Variants in HTR2C observed in about 807,000 individuals in gnomAD.
HTR2C encodes 5-hydroxytryptamine receptor 2C.
Under a neutral mutation model 21.0 loss-of-function variants are expected in HTR2C, and 5 were observed. The observed-to-expected ratio is 0.24, with a 90% CI of 0.12 to 0.50. The LOEUF (loss-of-function observed/expected upper bound fraction) is 0.50. Ranked by LOEUF, HTR2C falls within the 20% of genes least tolerant of loss-of-function variation. HTR2C has a pLI of 0.98. For synonymous variants in HTR2C, 150 were observed against 145.3 expected (o/e 1.03, Z -0.23); for missense variants, 271 against 371.2 (o/e 0.73, Z 2.22).
intron 4 of HTR2C, among the ~76,000 whole-genome samples, chrX:114,835,645 G>T (rs1200628924): frequency 9.0e-6 from 1 of 111,127 alleles, no homozygotes; most frequent in Non-Finnish European, 1.9e-5. Flanking sequence ...TTTGCCTTTG[G>T]TCTGAATGTC....
At chrX:114,686,681 A>G (rs1187140237) in intron 2 of HTR2C, among the ~76,000 whole-genome samples, 1 of 110,474 alleles carries the variant, frequency 9.1e-6, no homozygotes, top group Non-Finnish European at 1.9e-5. Flanking sequence ...ATATTTATAT[A>G]TTTTATTTAA....
intron 2 of HTR2C, chrX:114,717,762 C>T (rs1344931153): frequency 4.5e-5 from 5 of 111,501 alleles, no homozygotes; most frequent in Non-Finnish European, 9.4e-5. Flanking sequence ...TCTATCCTCT[C>T]CAAGCACAAT....
intron 4 of HTR2C, among the ~76,000 whole-genome samples, chrX:114,820,429 C>T (rs1397209694): frequency 9.2e-6 from 1 of 109,245 alleles, no homozygotes; most frequent in Non-Finnish European, 1.9e-5. Flanking sequence ...TAAAAAATGG[C>T]AATAATTTAA....
At chrX:114,692,417 A>G in intron 2 of HTR2C, among the ~76,000 whole-genome samples, 1 of 111,847 alleles carries the variant, frequency 8.9e-6, no homozygotes, top group Non-Finnish European at 1.9e-5. Context: ...TTTAAAAAAT[A>G]AATAGCTTTA....
intron 5 of HTR2C, among the ~76,000 whole-genome samples, chrX:114,905,930 A>G (rs2071368981): frequency 9.0e-6 from 1 of 111,438 alleles, no homozygotes; most frequent in African/African-American, 3.3e-5. Flanking sequence ...AGGACTGCAT[A>G]TCTCCCAACT....
intron 4 of HTR2C, among the ~76,000 whole-genome samples, chrX:114,812,010 C>T (rs781915690): frequency 1.2e-4 from 13 of 110,843 alleles, no homozygotes; most frequent in Non-Finnish European, 2.5e-4. Flanking sequence ...AAACATCTGC[C>T]ATGGTGGTTT....
chrX:114,672,814 G>C (rs1241727125), intron 2 of HTR2C, among the ~76,000 whole-genome samples: 6 of 112,228 alleles, frequency 5.3e-5, no homozygotes, highest in Non-Finnish European at 7.5e-5. Flanking sequence ...GAGATTATTA[G>C]ATTATGTTAC....
chrX:114,886,142 T>C (rs1413044546), intron 5 of HTR2C, among the ~76,000 whole-genome samples: 2 of 111,488 alleles, frequency 1.8e-5, no homozygotes, highest in Admixed American at 9.6e-5. Context: ...ATCTATTTTG[T>C]TAGATATTAA....
chrX:114,795,376 C>T (rs1361890743), intron 4 of HTR2C, among the ~76,000 whole-genome samples: 6 of 110,517 alleles, frequency 5.4e-5, no homozygotes, highest in African/African-American at 1.3e-4. Flanking sequence ...TAATTAGATC[C>T]CATTTGTCAA....
At chrX:114,836,240 C>G (rs1400039826) in intron 4 of HTR2C, among the ~76,000 whole-genome samples, 13 of 110,398 alleles carry the variant, frequency 1.2e-4, no homozygotes, top group East Asian at 8.7e-4. Flanking sequence ...CCACCCAGTT[C>G]GAGCTTCCTG....
At chrX:114,767,005 G>A (rs2069953294) in intron 4 of HTR2C, among the ~76,000 whole-genome samples, 1 of 111,258 alleles carries the variant, frequency 9.0e-6, no homozygotes, top group South Asian at 3.7e-4. Flanking sequence ...TTCTAATGGA[G>A]TTCTTTTTAC....
intron 4 of HTR2C, among the ~76,000 whole-genome samples, chrX:114,791,814 T>C (rs1036439018): frequency 5.4e-5 from 6 of 111,575 alleles, no homozygotes; most frequent in Non-Finnish European, 9.4e-5. Flanking sequence ...TTATCTAATG[T>C]TTTAATTAAA....
At chrX:114,740,857 C>T (rs1249945580) in intron 4 of HTR2C, among the ~76,000 whole-genome samples, 7 of 110,613 alleles carry the variant, frequency 6.3e-5, no homozygotes, top group African/African-American at 2.3e-4. Flanking sequence ...TGTATAACAC[C>T]ACCAATATTG....
chrX:114,805,506 G>C (rs1490472911), intron 4 of HTR2C, among the ~76,000 whole-genome samples: 8 of 90,033 alleles, frequency 8.9e-5, no homozygotes, highest in African/African-American at 2.9e-4. Context: ...TTGTAGGTTT[G>C]TAGATATATA....
chrX:114,704,691 T>C (rs1932706531), intron 2 of HTR2C, among the ~76,000 whole-genome samples: 1 of 111,286 alleles, frequency 9.0e-6, no homozygotes, highest in Admixed American at 9.6e-5. Flanking sequence ...CAACATAGTG[T>C]TGGAAGTGCT....
rs2070198164 is a variant in HTR2C, at chrX:114,788,329, C to T, written c.349+56722C>T. Among the ~76,000 whole-genome samples the T allele has an allele frequency of 4.5e-5, 5 of 110,744 alleles. No individual in the cohort carries two copies. The South Asian group carries it at 2.0e-3, about 43-fold the overall frequency. On this transcript the variant is annotated intron_variant, in intron 4 of 5. Coordinates refer to ENST00000276198, the MANE Select transcript of HTR2C (RefSeq NM_000868.4). ...AGGCTGGAGTGCAATGGCGCCTTCT[C>T]GACTCACTGCAACCTCTGCTTCCCG...
chrX:114,619,668 C>T (rs979126986), intron 2 of HTR2C, among the ~76,000 whole-genome samples: 1 of 111,385 alleles, frequency 9.0e-6, no homozygotes, highest in Non-Finnish European at 1.9e-5. Flanking sequence ...AGCTTAAAGG[C>T]ATTTTTTTTT....
chrX:114,889,890 G>A (rs937699427), intron 5 of HTR2C, among the ~76,000 whole-genome samples: 2 of 111,724 alleles, frequency 1.8e-5, no homozygotes, highest in Non-Finnish European at 3.8e-5. Context: ...GATGGGAAAG[G>A]AACGGTTCTT....
intron 5 of HTR2C, among the ~76,000 whole-genome samples, chrX:114,886,811 C>T (rs1556481642): frequency 9.0e-6 from 1 of 111,112 alleles, no homozygotes; most frequent in East Asian, 2.8e-4. Context: ...AATCTTATTT[C>T]AGATTTTTTC....
Sources: allele counts gnomAD v4.1 joint callset (sites outside exome capture counted in the v4.1 genomes callset), GRCh38; gene constraint gnomAD v4.1.1; transcripts MANE v1.5; gene names NCBI Gene and HGNC (gene_info 2026-07-23, HGNC 2026-07-21).